Variants in HHAT observed in about 807,000 individuals in gnomAD.
The protein encoded by HHAT is hedgehog acyltransferase.
HHAT carries 47 observed loss-of-function variants against 70.8 expected under a neutral mutation model. The ratio of observed to expected loss-of-function variants is 0.66; its 90% CI spans 0.53 to 0.85. HHAT has a LOEUF of 0.85. Among genes scored for constraint, HHAT ranks in the 40% least tolerant of loss-of-function variants. The pLI is 0.00. For missense variants in HHAT, 609 were observed against 604.8 expected (o/e 1.01, Z -0.07); for synonymous variants, 228 against 247.6 (o/e 0.92, Z 0.74).
chr1:210,563,867 T>C (rs2095645686), intron 9 of HHAT, among the ~76,000 whole-genome samples: 1 of 152,208 alleles, frequency 6.6e-6, no homozygotes, highest in Non-Finnish European at 1.5e-5. Context: ...ATGTACTGTA[T>C]GTTAGCATCA....
At chr1:210,356,750 A>G (rs3765883) in intron 2 of HHAT, among the ~76,000 whole-genome samples, 76,550 of 152,092 alleles carry the variant, frequency 0.5, 19,890 homozygotes, top group Admixed American at 0.6. Flanking sequence ...TTTGTTAGGA[A>G]GTAATTTTTC....
At chr1:210,622,651 G>C (rs899200093) in intron 10 of HHAT, among the ~76,000 whole-genome samples, 1 of 152,214 alleles carries the variant, frequency 6.6e-6, no homozygotes, top group Non-Finnish European at 1.5e-5. Flanking sequence ...TTCATCCTCA[G>C]TGCCGACGTG....
rs1363923877 is a variant in HHAT at position 210,464,572 on chromosome 1, T to G, written c.924T>G (p.Ala308=). The G allele has an allele frequency of 1.9e-6, 3 of 1,614,192 alleles. No individual in the cohort carries two copies. The highest frequency in any genetic ancestry group is 1.7e-6 in the Non-Finnish European group (2 of 1,180,024). ...VKYLVLFGVP[A]LLMRLDGLTP... Reference sequence around the variant, plus strand: ...ACTTGGTGCTCTTTGGCGTGCCTGCTCTGCTCATGCGCCTGGATGGACTCA... The same window carrying G: ...ACTTGGTGCTCTTTGGCGTGCCTGCGCTGCTCATGCGCCTGGATGGACTCA... The change falls in exon 8 of 12, where the codon GCT becomes GCG. Residue 308 remains alanine, a synonymous_variant. Transcript: ENST00000261458.
chr1:210,544,143 G>A (rs188439018), intron 9 of HHAT, among the ~76,000 whole-genome samples: 36 of 152,156 alleles, frequency 2.4e-4, no homozygotes, highest in Non-Finnish European at 4.3e-4. Flanking sequence ...TGCACTGCCC[G>A]TGCCCTCTAT....
chr1:210,646,981 A>G (rs193088430), intron 11 of HHAT, among the ~76,000 whole-genome samples: 68 of 152,342 alleles, frequency 4.5e-4, no homozygotes, highest in African/African-American at 1.5e-3. Context: ...GATGCAAGTA[A>G]TGGATGATTT....
chr1:210,419,073 G>A (rs1553356402), intron 7 of HHAT, among the ~76,000 whole-genome samples: 1 of 152,138 alleles, frequency 6.6e-6, no homozygotes, highest in Non-Finnish European at 1.5e-5. Context: ...CCATAGGTTT[G>A]AGTTTCAGCT....
At chr1:210,599,622 G>A (rs181608173) in intron 10 of HHAT, among the ~76,000 whole-genome samples, 4 of 152,142 alleles carry the variant, frequency 2.6e-5, no homozygotes, top group Admixed American at 2.0e-4. Context: ...AGTAGATCTC[G>A]AATTTTTTTG....
At chr1:210,349,852 T>C (rs905330618) in intron 2 of HHAT, among the ~76,000 whole-genome samples, 3 of 152,094 alleles carry the variant, frequency 2.0e-5, no homozygotes, top group Non-Finnish European at 4.4e-5. Context: ...GGTTTCACCA[T>C]GTTGGCCAGG....
At chr1:210,608,636 A>T (rs1665990370) in intron 10 of HHAT, among the ~76,000 whole-genome samples, 1 of 152,168 alleles carries the variant, frequency 6.6e-6, no homozygotes, top group Admixed American at 6.5e-5. Context: ...ATTTAATTGT[A>T]GTATGATTTG....
At chr1:210,346,642 C>T (rs192413328) in intron 1 of HHAT, among the ~76,000 whole-genome samples, 22 of 152,312 alleles carry the variant, frequency 1.4e-4, no homozygotes, top group African/African-American at 3.8e-4. Flanking sequence ...TTTTAGGTAA[C>T]GAAATGGGGC....
Position 210,618,680 on chromosome 1 carries a change from G to A in HHAT, c.1246-4846G>A, listed in dbSNP as rs548539940. On this transcript the variant is annotated intron_variant, in intron 10 of 11. Coordinates refer to ENST00000261458, the MANE Select transcript of HHAT (RefSeq NM_018194.6). ...CTGGCAAGCCCACAGCCTCCAGCCCGACTGTGTCATCTGCCTCCCTTCCCC... is the reference window on the plus strand; with the variant it reads ...CTGGCAAGCCCACAGCCTCCAGCCCAACTGTGTCATCTGCCTCCCTTCCCC... Among the ~76,000 whole-genome samples the A allele has an allele frequency of 7.2e-5, 11 of 152,204 alleles. No homozygotes were observed. In the East Asian group the frequency reaches 1.8e-3, roughly 24 times the overall value.
At chr1:210,334,925 A>G (rs2085345387) in intron 1 of HHAT, among the ~76,000 whole-genome samples, 1 of 152,150 alleles carries the variant, frequency 6.6e-6, no homozygotes, top group South Asian at 2.1e-4. Flanking sequence ...ATATCTACCA[A>G]AAACATTGAA....
chr1:210,329,319 G>C (rs2084778905), intron 1 of HHAT: 1 of 1,217,576 alleles, frequency 8.2e-7, no homozygotes, highest in African/African-American at 1.6e-5. Context: ...GGGCAAAGGC[G>C]GGGATCTAGG....
chr1:210,654,856 G>C (rs1297902284), intron 11 of HHAT, among the ~76,000 whole-genome samples: 1 of 152,202 alleles, frequency 6.6e-6, no homozygotes, highest in Non-Finnish European at 1.5e-5. Flanking sequence ...GGGGCACAGG[G>C]AGGGTACTAT....
At chr1:210,393,049 C>T (rs1030344001) in intron 4 of HHAT, among the ~76,000 whole-genome samples, 1 of 152,086 alleles carries the variant, frequency 6.6e-6, no homozygotes, top group Non-Finnish European at 1.5e-5. Flanking sequence ...AGGGTCAATC[C>T]CTGCATTGGC....
chr1:210,331,029 G>A (rs1034924368), intron 1 of HHAT, among the ~76,000 whole-genome samples: 106 of 152,142 alleles, frequency 7.0e-4, no homozygotes, highest in African/African-American at 2.5e-3. Flanking sequence ...AACCAGGCTG[G>A]TCTCAAATTC....
chr1:210,641,135 G>A (rs996071758), intron 11 of HHAT, among the ~76,000 whole-genome samples: 1 of 152,186 alleles, frequency 6.6e-6, no homozygotes, highest in African/African-American at 2.4e-5. Context: ...TTGTGACATG[G>A]TGTCAGTGAT....
chr1:210,628,234 A>G (rs1670194957), intron 11 of HHAT, among the ~76,000 whole-genome samples: 2 of 152,112 alleles, frequency 1.3e-5, no homozygotes, highest in South Asian at 2.1e-4. Context: ...GAGAGGGTGG[A>G]GAGCCTTATA....
chr1:210,613,090 T>C (rs1426872796), intron 10 of HHAT, among the ~76,000 whole-genome samples: 2 of 145,448 alleles, frequency 1.4e-5, no homozygotes, highest in African/African-American at 4.9e-5. Context: ...AATAGTATCA[T>C]TTGATGAATA....
Sources: allele counts gnomAD v4.1 joint callset (sites outside exome capture counted in the v4.1 genomes callset), GRCh38; gene constraint gnomAD v4.1.1; transcripts MANE v1.5; gene names NCBI Gene and HGNC (gene_info 2026-07-23, HGNC 2026-07-21).